The following ATG2B variants were observed in gnomAD, a reference collection of about 807,000 sequenced individuals.
The protein encoded by ATG2B is autophagy-related protein 2 homolog B.
In ATG2B, 121 loss-of-function variants were observed where a neutral mutation model predicts 241.3. The observed-to-expected ratio is 0.50, with a 90% CI of 0.43 to 0.58. ATG2B has a LOEUF of 0.58. Among genes scored for constraint, ATG2B ranks in the 20% least tolerant of loss-of-function variants. The pLI is 0.00. For missense variants in ATG2B, 2,306 were observed against 2,491.6 expected (o/e 0.93, Z 1.59); for synonymous variants, 858 against 876.6 (o/e 0.98, Z 0.37).
Position 96,362,824 on chromosome 14 carries a change from C to T in ATG2B, c.153G>A (p.Leu51=). ...QGTGSLAQVP[L]DKWCLNEILE... is the part of the protein sequence containing the mutation. ...CGCCGGCAGCTCTTACCCATTTGTC[C>T]AAGGGGACCTGGGCGAGGGACCCGG... Residue 51 remains leucine, a synonymous_variant, in exon 1 of 42, where the codon TTG becomes TTA. Coordinates refer to ENST00000359933, the MANE Select transcript of ATG2B (RefSeq NM_018036.7). 6.2e-7 allele frequency: 1 copy of T among 1,607,554 alleles called. No individual in the cohort carries two copies.
At chr14:96,335,537 A>C (rs77810075) in intron 6 of ATG2B, among the ~76,000 whole-genome samples, 1,699 of 152,250 alleles carry the variant, frequency 0.011, 32 homozygotes, top group African/African-American at 0.039. Context: ...TTATAGGTGA[A>C]GAAATGAGTT....
Position 96,363,133 on chromosome 14 carries a change from C to A in ATG2B, c.-157G>T. ...GAGTCCCTCAGGGAGACCCCATCGC[C>A]GGCGCCGCACCGCTCGCGCTGGGCC... is the stretch of plus-strand genomic sequence containing the variant. On this transcript the variant is annotated 5_prime_UTR_variant, in exon 1 of 42. Transcript: ENST00000359933. 4.0e-6 allele frequency: 3 copies of A among 756,642 alleles called. No individual in the cohort carries two copies. The South Asian group carries it at 5.2e-5, about 13-fold the overall frequency. 46.9% of individuals were successfully genotyped at this position (756,642 alleles called of 1,614,324 possible).
chr14:96,297,517 C>T (rs1886677968), intron 34 of ATG2B, among the ~76,000 whole-genome samples: 1 of 152,064 alleles, frequency 6.6e-6, no homozygotes, highest in Non-Finnish European at 1.5e-5. Flanking sequence ...CCTGCCTCAG[C>T]CTCCTGAGTA....
chr14:96,341,439 T>C (rs1024170166), intron 6 of ATG2B, 83 bp downstream of exon 6: 2 of 1,074,910 alleles, frequency 1.9e-6, no homozygotes, highest in African/African-American at 1.6e-5. Flanking sequence ...TCTGCAGTAA[T>C]CAATCAGTGA....
chr14:96,326,745 G>T (rs888816937), intron 14 of ATG2B, among the ~76,000 whole-genome samples: 1 of 151,414 alleles, frequency 6.6e-6, no homozygotes, highest in African/African-American at 2.4e-5. Flanking sequence ...TGTTTTTTTC[G>T]AAACAGGTCT....
In ATG2B at chr14:96,325,748, G is replaced by C. The variant is rs537477504; in HGVS notation, c.2338C>G (p.Leu780Val). Residue 780 changes from leucine (L) to valine (V), a missense_variant, in exon 15 of 42, where the codon CTT becomes GTT. Leu to Val is a conservative substitution (Grantham distance 32, BLOSUM62 1). Transcript: ENST00000359933. ...TCTAGATCTGTGAAGGCTAAATAAA[G>C]GATCTCCTTCTGAAGTGACTTCTTA... ...WFKKSLQKEI[L>V]YLAFTDLEFK... 1.2e-6 allele frequency: 2 copies of C among 1,613,890 alleles called. No homozygotes were observed. Among genetic ancestry groups the C allele is most frequent in the South Asian group, 2.2e-5 (2 of 91,080 alleles).
At position 96,280,765 on chromosome 14, in the gene ATG2B, C is replaced by G. The variant is rs1024736795; in HGVS notation, c.*4990G>C. On this transcript the variant is annotated 3_prime_UTR_variant, in exon 42 of 42. Transcript: ENST00000359933. ...GGCGTGGTGGCAGGTGCCTGTAATC[C>G]CAACTACTCAGGAGGCTGAGGCAAG... 1 of 152,016 alleles carries G rather than the reference C, an allele frequency of 6.6e-6. No homozygotes were observed. Among genetic ancestry groups the G allele is most frequent in the Non-Finnish European group, 1.5e-5 (1 of 68,028 alleles). The allele number at this position is 152,016 out of a possible 1,614,324, so 9.4% of individuals were successfully genotyped here. A position where few individuals can be genotyped will look rare whatever the true frequency, so the allele number is the denominator to read the frequency against.
chr14:96,311,239 T>C lies in ATG2B; in HGVS notation c.4039A>G (p.Arg1347Gly). ...GCAGCACAAGAGTCTGAGCACGTTC[T>C]GATATGGACAACATCGCTGGAACAG... The part of the protein sequence containing the change: ...LHCSSDVVHI[R>G]TCSDSCAALM... Residue 1347 changes from arginine (R) to glycine (G), a missense_variant, in exon 28 of 42, where the codon AGA (arginine) becomes GGA (glycine). Coordinates refer to ENST00000359933, the MANE Select transcript of ATG2B (RefSeq NM_018036.7). 2 of 1,614,036 alleles carry C rather than the reference T, an allele frequency of 1.2e-6. No homozygotes were observed. The highest frequency in any genetic ancestry group is 1.1e-5 in the South Asian group (1 of 91,076).
intron 4 of ATG2B, among the ~76,000 whole-genome samples, chr14:96,344,164 ATTTT>A (rs1256666876): frequency 6.6e-6 from 1 of 152,210 alleles, no homozygotes; most frequent in African/African-American, 2.4e-5. Flanking sequence ...ACGTACTTAT[ATTTT>A]TTTAAGTAAA....
In ATG2B at chr14:96,341,595, T is replaced by G; in HGVS notation, c.851A>C (p.Gln284Pro). 6.2e-7 allele frequency: 1 copy of G among 1,606,744 alleles called. No individual in the cohort carries two copies. The highest frequency in any genetic ancestry group is 8.5e-7 in the Non-Finnish European group (1 of 1,175,504). ...LPEIAPSDPV[Q>P]IGRLIGRLEL... ...CAACCTACCAATTAACCGTCCAATC[T>G]GCACTGGGTCAGAAGGTGCTATCTC... Residue 284 changes from glutamine (Q) to proline (P), a missense_variant, in exon 6 of 42, where the codon CAG becomes CCG. Gln to Pro is a moderately conservative substitution (Grantham distance 76, BLOSUM62 -1). This residue lies in a region of ATG2B where 1,927 missense variants were observed against 2,011.2 expected (regional missense o/e 0.96). Transcript: ENST00000359933.
chr14:96,291,521 A>G, intron 38 of ATG2B, 79 bp downstream of exon 38: 1 of 1,081,792 alleles, frequency 9.2e-7, no homozygotes, highest in Non-Finnish European at 1.4e-6. Context: ...TATGCATGCT[A>G]AGAAAACTCA....
intron 31 of ATG2B, 97 bp from the exon 32 acceptor site, chr14:96,304,700 A>C: frequency 1.1e-6 from 1 of 950,334 alleles, no homozygotes; most frequent in East Asian, 2.5e-5. Flanking sequence ...ATGAAAGACA[A>C]AGTAAGAGTA....
intron 1 of ATG2B, among the ~76,000 whole-genome samples, chr14:96,350,789 T>TGG (rs1888295639): frequency 2.0e-5 from 3 of 152,158 alleles, no homozygotes. Flanking sequence ...CCTAAAGACT[T>TGG]TCCCAGTAGT....
At chr14:96,303,028 C>T (rs773359702) in intron 33 of ATG2B, 33 bp downstream of exon 33, 29 of 1,405,616 alleles carry the variant, frequency 2.1e-5, no homozygotes, top group Non-Finnish European at 2.6e-5. Context: ...GTTTCCAAAA[C>T]TAACATAACA....
At chr14:96,312,046 A>G (rs1367541702) in intron 26 of ATG2B, 43 bp downstream of exon 26, 1 of 1,444,740 alleles carries the variant, frequency 6.9e-7, no homozygotes, top group Non-Finnish European at 9.7e-7. Flanking sequence ...ACGCACAAAA[A>G]TAAAGCAGAA....
At position 96,316,624 on chromosome 14, in the gene ATG2B, A is replaced by C. The variant is rs748831605; in HGVS notation, c.3270T>G (p.Ser1090Arg). 1 of 1,613,078 alleles carries C rather than the reference A, an allele frequency of 6.2e-7. No individual in the cohort carries two copies. Among genetic ancestry groups the C allele is most frequent in the Non-Finnish European group, 8.5e-7 (1 of 1,179,574 alleles). The change falls in exon 21 of 42, where the codon AGT becomes AGG. Residue 1090 changes from serine to arginine, a missense_variant. By Grantham distance (110) the Ser-to-Arg change is moderately radical (BLOSUM62 -1). Around this residue, in one of 2 missense-constraint regions of ATG2B, gnomAD observed 1,927 missense variants for 2,011.2 expected, o/e 0.96. Transcript: ENST00000359933. ...ATTTTGTCACACAAAATAATGAACCACTATTGAACTCTAACCAGAATTCAC... is the reference window on the plus strand; with the variant it reads ...ATTTTGTCACACAAAATAATGAACCCCTATTGAACTCTAACCAGAATTCAC... ...KHGEFWLEFN[S>R]GSLFCVTKYE...
In ATG2B at chr14:96,332,310, T is replaced by C; in HGVS notation, c.1463A>G (p.Lys488Arg). 1 of 1,610,242 alleles carries C rather than the reference T, an allele frequency of 6.2e-7. No homozygotes were observed. Among genetic ancestry groups the C allele is most frequent in the Non-Finnish European group, 8.5e-7 (1 of 1,176,750 alleles). Residue 488 changes from lysine (K) to arginine (R), a missense_variant, in exon 10 of 42, where the codon AAG becomes AGG. By Grantham distance (26) the Lys-to-Arg change is conservative. This residue lies in a region of ATG2B where 1,927 missense variants were observed against 2,011.2 expected (regional missense o/e 0.96). Transcript: ENST00000359933. ...AATGTCTTATTTTTACTTACATGTC[T>C]TCTGTAAAGGTGTTGGGTGAACTAG... Reference protein sequence around the residue: ...SNLVHPTPLQKTSLPSRSVSV... With the variant: ...SNLVHPTPLQRTSLPSRSVSV...
At chr14:96,302,958 A>G (rs1323390204) in intron 33 of ATG2B, 103 bp downstream of exon 33, 4 of 847,226 alleles carry the variant, frequency 4.7e-6, no homozygotes, top group Non-Finnish European at 6.8e-6. Context: ...TAAAATGAGA[A>G]AAGATATCTA....
At chr14:96,322,466 A>C in intron 17 of ATG2B, 74 bp downstream of exon 17, 1 of 1,458,636 alleles carries the variant, frequency 6.9e-7, no homozygotes, top group Non-Finnish European at 9.1e-7. Flanking sequence ...TTTTTTAAAA[A>C]TAAAAAATCA....
Sources: gnomAD v4.1 joint callset for allele counts (sites outside exome capture counted in the v4.1 genomes callset) on GRCh38, gnomAD v4.1.1 for gene constraint, gnomAD v4.1.1 regional missense constraint, MANE v1.5 for transcripts, NCBI Gene and HGNC (gene_info 2026-07-23, HGNC 2026-07-21) for gene names.